The following AMOTL1 variants were observed in gnomAD, a reference collection of about 807,000 sequenced individuals.
AMOTL1 encodes the protein angiomotin like 1, also known as angiomotin-like protein 1.
A neutral mutation model predicts 102.9 loss-of-function variants in AMOTL1; 45 were observed. The observed-to-expected ratio is 0.44, with a 90% CI of 0.34 to 0.56. The LOEUF (loss-of-function observed/expected upper bound fraction) is 0.56. Ranked by LOEUF, AMOTL1 falls within the 20% of genes least tolerant of loss-of-function variation. The pLI is 0.01. For synonymous variants in AMOTL1, 481 were observed against 484.7 expected, an observed-to-expected ratio of 0.99 and a Z score of 0.10; for missense variants, 1,114 against 1,225.6, an observed-to-expected ratio of 0.91 and a Z score of 1.36.
At chr11:94,820,552 G>C (rs1033529971) in intron 3 of AMOTL1, among the ~76,000 whole-genome samples, 1 of 152,200 alleles carries the variant, frequency 6.6e-6, no homozygotes, top group African/African-American at 2.4e-5. Flanking sequence ...CCGTTTTGTG[G>C]AAGACAATTT....
At chr11:94,802,866 T>C (rs774929817) in intron 3 of AMOTL1, among the ~76,000 whole-genome samples, 4 of 152,238 alleles carry the variant, frequency 2.6e-5, no homozygotes, top group Non-Finnish European at 5.9e-5. Flanking sequence ...CAGTGTGTCA[T>C]GTTCAACTTG....
At chr11:94,777,862 C>G (rs1951048269) in intron 1 of AMOTL1, among the ~76,000 whole-genome samples, 1 of 152,092 alleles carries the variant, frequency 6.6e-6, no homozygotes. Context: ...TTGTACAAGT[C>G]AATACTGAGG....
chr11:94,805,516 A>G (rs894430936), intron 3 of AMOTL1, among the ~76,000 whole-genome samples: 10 of 152,176 alleles, frequency 6.6e-5, no homozygotes, highest in African/African-American at 2.4e-4. Context: ...ACTAATTTGT[A>G]TGTTTTAGGC....
In AMOTL1 at chr11:94,800,261, A is replaced by G. The variant is rs767294598; in HGVS notation, c.1071A>G (p.Thr357=). 21 of 1,613,652 alleles carry G rather than the reference A, an allele frequency of 1.3e-5. No individual in the cohort carries two copies. In the East Asian group the frequency reaches 2.5e-4, roughly 19 times the overall value. The change falls in exon 3 of 13, where the codon ACA becomes ACG. Residue 357 remains threonine, a synonymous_variant. Transcript: ENST00000433060. The part of the protein sequence containing the change: ...KPYPAPQPVR[T]DVAVLRYQPP... ...ACCCTGCTCCTCAGCCTGTGAGAAC[A>G]GATGTGGCCGTCCTGCGGTACCAGC...
chr11:94,730,336 G>A (rs773360497), intron 2 of AMOTL1, among the ~76,000 whole-genome samples: 6 of 152,052 alleles, frequency 3.9e-5, no homozygotes, highest in Non-Finnish European at 8.8e-5. Context: ...CTTTGCAAAG[G>A]CTGCTATTAT....
intron 2 of AMOTL1, chr11:94,740,794 G>T (rs1950510307): frequency 3.6e-6 from 2 of 551,968 alleles, no homozygotes; most frequent in African/African-American, 3.9e-5. Flanking sequence ...TCTGAATCCC[G>T]CGGGGCCTCC....
intron 2 of AMOTL1, 71 bp downstream of exon 2, chr11:94,795,231 G>T: frequency 6.5e-7 from 1 of 1,546,320 alleles, no homozygotes; most frequent in Admixed American, 1.8e-5. Context: ...TAGCTCTTTT[G>T]CATAATTCAG....
intron 1 of AMOTL1, among the ~76,000 whole-genome samples, chr11:94,711,672 T>C (rs573318065): frequency 2.0e-5 from 3 of 152,298 alleles, no homozygotes; most frequent in African/African-American, 7.2e-5. Context: ...AAGAATGTTA[T>C]ATAGTCATGC....
chr11:94,850,280 T>C (rs1215123854), intron 7 of AMOTL1, 21 bp downstream of exon 7: 1 of 1,582,388 alleles, frequency 6.3e-7, no homozygotes, highest in Admixed American at 1.8e-5. Context: ...GCTGTGGGGA[T>C]TTGGTGGGGA....
chr11:94,770,175 T>A (rs2135514395), intron 1 of AMOTL1, among the ~76,000 whole-genome samples: 1 of 152,244 alleles, frequency 6.6e-6, no homozygotes, highest in African/African-American at 2.4e-5. Context: ...AGGTTAACGA[T>A]TAAGGAGCTC....
At chr11:94,730,507 C>A (rs1340742699) in intron 2 of AMOTL1, among the ~76,000 whole-genome samples, 1 of 152,152 alleles carries the variant, frequency 6.6e-6, no homozygotes, top group Non-Finnish European at 1.5e-5. Flanking sequence ...TCTGCAGATT[C>A]CCATGTCACA....
chr11:94,799,346 C>T lies in AMOTL1; in HGVS notation c.200-44C>T, dbSNP rs767116844. On this transcript the variant is annotated intron_variant, in intron 2 of 12. Transcript: ENST00000433060. This position sits in a 1 kb window ranked among gnomAD's most constrained non-coding sequence, Gnocchi z 4.5. Reference sequence around the variant, plus strand: ...CCACATAGTCACAGACATATATCTCCTGTGGAGCTGCCTGATATCTTTTTT... The same window carrying T: ...CCACATAGTCACAGACATATATCTCTTGTGGAGCTGCCTGATATCTTTTTT... 9 of 1,449,252 alleles carry T rather than the reference C, an allele frequency of 6.2e-6. No homozygotes were observed. In the East Asian group the frequency reaches 2.0e-4, roughly 32 times the overall value. 89.8% of individuals were successfully genotyped at this position (1,449,252 alleles called of 1,614,324 possible). A position where few individuals can be genotyped will look rare whatever the true frequency, so the allele number is the denominator to read the frequency against.
In AMOTL1 at chr11:94,799,619, C is replaced by A; in HGVS notation, c.429C>A (p.Asn143Lys). 1 of 1,613,894 alleles carries A rather than the reference C, an allele frequency of 6.2e-7. No homozygotes were observed. The highest frequency in any genetic ancestry group is 8.5e-7 in the Non-Finnish European group (1 of 1,179,890). ...CAAACAACTTTTCTTCCACGGAAAA[C>A]CTCACTCAAGAAGACCCACAAATGG... is the stretch of plus-strand genomic sequence containing the variant. ...HPTNNFSSTENLTQEDPQMVY... is the reference protein window; with the variant it reads ...HPTNNFSSTEKLTQEDPQMVY... The change falls in exon 3 of 13, where the codon AAC (asparagine) becomes AAA (lysine). Residue 143 changes from asparagine to lysine, a missense_variant. By Grantham distance (94) the Asn-to-Lys change is moderately conservative. Transcript: ENST00000433060. The surrounding 1 kb of genome is among the most constrained non-coding windows in gnomAD (Gnocchi z 4.5).
At chr11:94,738,922 G>A (rs954916124) in intron 2 of AMOTL1, among the ~76,000 whole-genome samples, 1 of 152,200 alleles carries the variant, frequency 6.6e-6, no homozygotes. Flanking sequence ...GGGGGCTGGT[G>A]TGGTTGGAGC....
At chr11:94,840,699 CACACACACAT>C (rs1210289678) in intron 6 of AMOTL1, among the ~76,000 whole-genome samples, 15 of 145,244 alleles carry the variant, frequency 1.0e-4, no homozygotes, top group Non-Finnish European at 1.8e-4. Context: ...CACACACACA[CACACACACAT>C]ATATATATAC....
At chr11:94,729,043 A>G (rs1170548897) in exon 2 of AMOTL1, 1 of 1,289,008 alleles carries the variant, frequency 7.8e-7, no homozygotes, top group Non-Finnish European at 1.0e-6. Flanking sequence ...TCATTTTGCC[A>G]GCACCAGAGC....
At chr11:94,749,869 A>G (rs1950630841) in intron 3 of AMOTL1, among the ~76,000 whole-genome samples, 1 of 152,158 alleles carries the variant, frequency 6.6e-6, no homozygotes, top group Non-Finnish European at 1.5e-5. Flanking sequence ...GTTAAATAAT[A>G]CTGTCACTTA....
At chr11:94,821,459 T>C in intron 3 of AMOTL1, 71 bp from the exon 4 acceptor site, 4 of 1,486,682 alleles carry the variant, frequency 2.7e-6, no homozygotes, top group Non-Finnish European at 3.6e-6. Context: ...ACAGTGCCAG[T>C]ATTGTTGGGG....
At position 94,869,362 on chromosome 11, in the gene AMOTL1, C is replaced by T; in HGVS notation, c.2653C>T (p.Leu885Phe). 3 of 1,609,956 alleles carry T rather than the reference C, an allele frequency of 1.9e-6. No homozygotes were observed. Among genetic ancestry groups the T allele is most frequent in the South Asian group, 2.2e-5 (2 of 90,094 alleles). The change falls in exon 12 of 13, where the codon CTC becomes TTC. Residue 885 changes from leucine to phenylalanine, a missense_variant. Coordinates refer to ENST00000433060, the MANE Select transcript of AMOTL1 (RefSeq NM_130847.3). ...SSTQTDKSAE[L>F]FWPSMASLPS... ...CACACAGACTGACAAGAGTGCCGAG[C>T]TCTTCTGGCCCAGCATGGCCTCCCT... is the stretch of plus-strand genomic sequence containing the variant.
Sources: allele counts gnomAD v4.1 joint callset (sites outside exome capture counted in the v4.1 genomes callset), GRCh38; gene constraint gnomAD v4.1.1; non-coding constraint Gnocchi (gnomAD v3.1); transcripts MANE v1.5; gene names NCBI Gene and HGNC (gene_info 2026-07-23, HGNC 2026-07-21).